The following COL25A1 variants were observed in gnomAD, a reference collection of about 807,000 sequenced individuals.
The protein encoded by COL25A1 is collagen type XXV alpha 1 chain.
COL25A1 carries 103 observed loss-of-function variants against 128.4 expected under a neutral mutation model. That is an observed-to-expected ratio of 0.80 (90% CI 0.68 to 0.94). The LOEUF (loss-of-function observed/expected upper bound fraction) is 0.94. Ranked by LOEUF, COL25A1 falls within the 40% of genes least tolerant of loss-of-function variation. COL25A1 has a pLI of 0.00. For missense variants in COL25A1, 745 were observed against 840.0 expected (o/e 0.89, Z 1.40); for synonymous variants, 279 against 277.2 (o/e 1.01, Z -0.06).
intron 3 of COL25A1, among the ~76,000 whole-genome samples, chr4:109,117,686 C>T (rs1767734604): frequency 1.3e-5 from 2 of 151,812 alleles, no homozygotes. Flanking sequence ...TATGTGTGCT[C>T]ATGTGTATTA....
At chr4:109,136,603 T>C (rs1214838871) in intron 3 of COL25A1, among the ~76,000 whole-genome samples, 1 of 152,192 alleles carries the variant, frequency 6.6e-6, no homozygotes, top group African/African-American at 2.4e-5. Flanking sequence ...GCTTGGAACA[T>C]TTCAGGAACT....
At chr4:108,872,015 T>C (rs1338271001) in intron 19 of COL25A1, among the ~76,000 whole-genome samples, 14 of 152,194 alleles carry the variant, frequency 9.2e-5, no homozygotes, top group Admixed American at 7.9e-4. Flanking sequence ...CCTCTGGAGA[T>C]TTCTGGACTT....
chr4:108,893,674 C>T (rs1741789468), intron 16 of COL25A1, among the ~76,000 whole-genome samples: 1 of 152,118 alleles, frequency 6.6e-6, no homozygotes. Flanking sequence ...ACGTAATTTA[C>T]TACATCAATG....
rs752460100 is a variant in COL25A1 at position 108,827,117 on chromosome 4, A to G, written c.1764+18T>C. On this transcript the variant is annotated intron_variant, in intron 33 of 37. Coordinates refer to ENST00000399132, the MANE Select transcript of COL25A1 (RefSeq NM_198721.4). ...ATGCATGCGGAAGGTGGGGAGGTGC[A>G]TGTGACCAGGAACTCACAGGCAGCC... 6.2e-7 allele frequency: 1 copy of G among 1,611,482 alleles called. No individual in the cohort carries two copies.
At chr4:108,819,749 G>T in intron 35 of COL25A1, 1 of 828,080 alleles carries the variant, frequency 1.2e-6, no homozygotes, top group Non-Finnish European at 1.6e-6. Flanking sequence ...CCTCCGGCTT[G>T]CTCTTCTCCC....
intron 3 of COL25A1, among the ~76,000 whole-genome samples, chr4:109,199,767 C>A (rs1487794463): frequency 6.6e-6 from 1 of 152,124 alleles, no homozygotes; most frequent in Non-Finnish European, 1.5e-5. Flanking sequence ...TCAACGAAGT[C>A]ACTTGGGATT....
At chr4:109,050,049 G>T in intron 4 of COL25A1, 86 bp downstream of exon 4, 1 of 1,103,810 alleles carries the variant, frequency 9.1e-7, no homozygotes, top group South Asian at 1.5e-5. Flanking sequence ...CCTCCAACAA[G>T]ACAATATTAT....
chr4:109,074,369 A>G (rs942687407), intron 3 of COL25A1, among the ~76,000 whole-genome samples: 2 of 152,320 alleles, frequency 1.3e-5, no homozygotes, highest in Admixed American at 6.5e-5. Flanking sequence ...TCAAAATGGC[A>G]CCAGAAAAAA....
At chr4:108,987,632 C>G (rs1355211318) in intron 6 of COL25A1, among the ~76,000 whole-genome samples, 3 of 152,152 alleles carry the variant, frequency 2.0e-5, no homozygotes, top group African/African-American at 7.2e-5. Context: ...CCTCTGCGTC[C>G]CAAAGTGCTG....
At position 109,239,390 on chromosome 4, in the gene COL25A1, GTGTGTATATATATA is replaced by G. The variant is rs1338050444; in HGVS notation, c.367+61179_367+61192del. ...TATGTGTGTGTATGTGTGTGTGTGTGTGTGTATATATATATATATATATATATATATATTTATTT... is the reference window on the plus strand; with the variant it reads ...TATGTGTGTGTATGTGTGTGTGTGTGTATATATATATATATATATTTATTT... On this transcript the variant is annotated intron_variant, in intron 3 of 37. Coordinates refer to ENST00000399132, the MANE Select transcript of COL25A1 (RefSeq NM_198721.4). Among the ~76,000 whole-genome samples the G allele has an allele frequency of 8.8e-4, 94 of 106,768 alleles. No homozygotes were observed. In the East Asian group the frequency reaches 0.016, roughly 18 times the overall value. The allele number at this position is 106,768 out of a possible 152,430, so 70.0% of individuals were successfully genotyped here.
chr4:109,101,889 C>G (rs1029016338), intron 3 of COL25A1, among the ~76,000 whole-genome samples: 3 of 152,150 alleles, frequency 2.0e-5, no homozygotes, highest in African/African-American at 7.2e-5. Flanking sequence ...CCCATGAAAA[C>G]TCACAACCAA....
chr4:109,071,657 C>A (rs1033784552), intron 3 of COL25A1, among the ~76,000 whole-genome samples: 1 of 152,120 alleles, frequency 6.6e-6, no homozygotes, highest in African/African-American at 2.4e-5. Context: ...AGACACTTCT[C>A]AAAAGAAGAC....
chr4:109,209,161 G>A (rs1777290290), intron 3 of COL25A1, among the ~76,000 whole-genome samples: 2 of 152,084 alleles, frequency 1.3e-5, no homozygotes, highest in Admixed American at 1.3e-4. Flanking sequence ...AGAGTTACAT[G>A]CAACAAAGAA....
chr4:108,953,223 T>C (rs1749667611), intron 8 of COL25A1, among the ~76,000 whole-genome samples: 1 of 152,022 alleles, frequency 6.6e-6, no homozygotes, highest in Admixed American at 6.6e-5. Flanking sequence ...GAGCAGGGAG[T>C]AACATTACTT....
At chr4:109,261,790 C>A (rs1342109204) in intron 3 of COL25A1, among the ~76,000 whole-genome samples, 1 of 151,758 alleles carries the variant, frequency 6.6e-6, no homozygotes, top group African/African-American at 2.4e-5. Context: ...CTCCACCTCC[C>A]AGGTTCACGC....
intron 6 of COL25A1, among the ~76,000 whole-genome samples, chr4:108,983,372 T>C (rs1753227293): frequency 1.3e-5 from 2 of 152,214 alleles, no homozygotes; most frequent in Admixed American, 1.3e-4. Context: ...CTCAACACGA[T>C]TCAAATGTAT....
intron 27 of COL25A1, among the ~76,000 whole-genome samples, chr4:108,846,744 C>T (rs185635492): frequency 4.8e-4 from 73 of 152,202 alleles, no homozygotes; most frequent in African/African-American, 1.5e-3. Context: ...CACACACTAA[C>T]GCTCAATCAA....
intron 19 of COL25A1, among the ~76,000 whole-genome samples, chr4:108,874,106 T>C (rs1739143614): frequency 6.6e-6 from 1 of 151,990 alleles, no homozygotes; most frequent in African/African-American, 2.4e-5. Context: ...TTAACCAGGG[T>C]AGAGGAAAGA....
chr4:109,110,596 C>G (rs777485538), intron 3 of COL25A1, among the ~76,000 whole-genome samples: 1 of 152,094 alleles, frequency 6.6e-6, no homozygotes, highest in Non-Finnish European at 1.5e-5. Flanking sequence ...ATTCTCCAGA[C>G]CCCTCAAATG....
Sources: gnomAD v4.1 joint callset for allele counts (sites outside exome capture counted in the v4.1 genomes callset) on GRCh38, gnomAD v4.1.1 for gene constraint, MANE v1.5 for transcripts, NCBI Gene and HGNC (gene_info 2026-07-23, HGNC 2026-07-21) for gene names.